The following NRXN3 variants were observed in gnomAD, a reference collection of about 807,000 sequenced individuals.
The protein encoded by NRXN3 is neurexin III.
In NRXN3, 32 loss-of-function variants were observed where a neutral mutation model predicts 137.6. That is an observed-to-expected ratio of 0.23 (90% CI 0.18 to 0.31). The LOEUF (loss-of-function observed/expected upper bound fraction) is 0.31. Among genes scored for constraint, NRXN3 ranks in the 10% least tolerant of loss-of-function variants. The pLI, the probability that NRXN3 is intolerant of heterozygous loss-of-function variation, is 1.00. For missense variants in NRXN3, 1,574 were observed against 2,062.5 expected (o/e 0.76, Z 4.59); for synonymous variants, 798 against 784.5 (o/e 1.02, Z -0.29).
chr14:78,463,489 A>T (rs1229873783), intron 4 of NRXN3, among the ~76,000 whole-genome samples: 1 of 151,596 alleles, frequency 6.6e-6, no homozygotes, highest in East Asian at 1.9e-4. Flanking sequence ...TTTTCCGTAG[A>T]GGTTGTATTA....
Position 79,593,630 on chromosome 14 carries a change from C to CAAAAAAA in NRXN3, c.3445-70132_3445-70126dup, listed in dbSNP as rs58254245. The stretch of plus-strand genomic sequence containing the variant: ...TGCACTACGGAGCGAGACTCCGTCT[C>CAAAAAAA]AAAAAAAAAAAAAAAAAAAAAATTA... On this transcript the variant is annotated intron_variant, in intron 16 of 20. Transcript: ENST00000335750. Among the ~76,000 whole-genome samples the CAAAAAAA allele has an allele frequency of 1.5e-3, 115 of 74,638 alleles. 1 individual carries two copies. Among genetic ancestry groups the CAAAAAAA allele is most frequent in the Non-Finnish European group, 2.0e-3 (74 of 36,322 alleles). 49.0% of individuals were successfully genotyped at this position (74,638 alleles called of 152,430 possible).
At chr14:79,515,411 T>G (rs573559142) in intron 16 of NRXN3, among the ~76,000 whole-genome samples, 16 of 150,450 alleles carry the variant, frequency 1.1e-4, no homozygotes, top group African/African-American at 3.3e-4. Flanking sequence ...GCATCAACCT[T>G]GAGCAAGAAA....
intron 15 of NRXN3, among the ~76,000 whole-genome samples, chr14:79,354,027 A>C (rs2093329178): frequency 6.6e-6 from 1 of 152,142 alleles, no homozygotes; most frequent in Non-Finnish European, 1.5e-5. Context: ...TTTTGTCAAC[A>C]CTCAGGCTGA....
At chr14:79,148,425 A>G (rs1418616087) in intron 15 of NRXN3, among the ~76,000 whole-genome samples, 1 of 152,126 alleles carries the variant, frequency 6.6e-6, no homozygotes, top group Non-Finnish European at 1.5e-5. Context: ...GTATTGTAAG[A>G]TTATTTCAGA....
intron 4 of NRXN3, among the ~76,000 whole-genome samples, chr14:78,589,234 T>C (rs1426035105): frequency 6.6e-6 from 1 of 152,166 alleles, no homozygotes; most frequent in Non-Finnish European, 1.5e-5. Flanking sequence ...CAAGAAGCTC[T>C]GCAAAAGCCT....
intron 16 of NRXN3, among the ~76,000 whole-genome samples, chr14:79,548,090 A>G (rs1332114040): frequency 6.6e-6 from 1 of 151,964 alleles, no homozygotes; most frequent in Non-Finnish European, 1.5e-5. Context: ...CAGAAGGTGC[A>G]GGTTTGTTAC....
intron 15 of NRXN3, among the ~76,000 whole-genome samples, chr14:79,299,547 C>T (rs2084786079): frequency 6.6e-6 from 1 of 152,008 alleles, no homozygotes; most frequent in African/African-American, 2.4e-5. Context: ...GTCTGCAGAC[C>T]CCTGCCCCCA....
Position 78,177,443 on chromosome 14 carries a change from C to T in NRXN3, c.-704+6769C>T, listed in dbSNP as rs571369620. Among the ~76,000 whole-genome samples, 10 of 152,122 alleles carry T rather than the reference C, an allele frequency of 6.6e-5. No individual in the cohort carries two copies. The South Asian group carries it at 1.9e-3, about 28-fold the overall frequency. On this transcript the variant is annotated intron_variant, in intron 1 of 20. Coordinates refer to ENST00000335750, the MANE Select transcript of NRXN3 (RefSeq NM_001330195.2). ...GATTCTGAGAAGCAAGGAAGTCTTACCTTTAGCCAAGACCTTGAAGCAGAG... is the reference window on the plus strand; with the variant it reads ...GATTCTGAGAAGCAAGGAAGTCTTATCTTTAGCCAAGACCTTGAAGCAGAG...
intron 16 of NRXN3, among the ~76,000 whole-genome samples, chr14:79,507,244 C>T (rs1232780370): frequency 3.9e-5 from 6 of 152,134 alleles, no homozygotes; most frequent in African/African-American, 1.2e-4. Context: ...GTGAAATCGG[C>T]CGCTTTTCTT....
At chr14:79,352,170 T>C (rs769985567) in intron 15 of NRXN3, among the ~76,000 whole-genome samples, 3 of 152,180 alleles carry the variant, frequency 2.0e-5, no homozygotes, top group Non-Finnish European at 4.4e-5. Context: ...CAGCTCCTTC[T>C]GCATGCTTTC....
chr14:78,754,098 AT>A (rs1278707767), intron 8 of NRXN3, among the ~76,000 whole-genome samples: 1 of 152,186 alleles, frequency 6.6e-6, no homozygotes, highest in Non-Finnish European at 1.5e-5. Context: ...AAAATGTTTG[AT>A]TGGTTAAAAT....
At chr14:79,696,218 G>T (rs980979761) in intron 18 of NRXN3, among the ~76,000 whole-genome samples, 20 of 151,944 alleles carry the variant, frequency 1.3e-4, no homozygotes, top group African/African-American at 4.8e-4. Flanking sequence ...AATAGTGGTA[G>T]ATTTTTAAAG....
At chr14:78,570,269 C>CA (rs973512728) in intron 4 of NRXN3, among the ~76,000 whole-genome samples, 5 of 152,074 alleles carry the variant, frequency 3.3e-5, no homozygotes, top group Non-Finnish European at 5.9e-5. Flanking sequence ...TGTCAGGATA[C>CA]AATGAGAAGT....
chr14:78,254,702 G>T (rs530741397), intron 2 of NRXN3, among the ~76,000 whole-genome samples: 1 of 150,016 alleles, frequency 6.7e-6, no homozygotes, highest in East Asian at 2.0e-4. Context: ...AAGATTGGAA[G>T]TTCTGGAATA....
chr14:79,141,155 G>A (rs988275987), intron 15 of NRXN3, among the ~76,000 whole-genome samples: 29 of 152,106 alleles, frequency 1.9e-4, no homozygotes, highest in Non-Finnish European at 2.8e-4. Context: ...TGTGTTGGGC[G>A]TAGTAATAAA....
At chr14:79,527,293 CAA>C (rs397954192) in intron 16 of NRXN3, among the ~76,000 whole-genome samples, 2,787 of 58,430 alleles carry the variant, frequency 0.048, 42 homozygotes, top group African/African-American at 0.18. Context: ...GACTCTGTCT[CAA>C]AAAAAAAAAA....
At chr14:78,345,719 T>A (rs1163030408) in intron 4 of NRXN3, among the ~76,000 whole-genome samples, 2 of 152,196 alleles carry the variant, frequency 1.3e-5, no homozygotes, top group Non-Finnish European at 2.9e-5. Flanking sequence ...TTGAGGGATC[T>A]GGGAAATAAG....
At chr14:79,846,423 T>G (rs1403977675) in intron 20 of NRXN3, among the ~76,000 whole-genome samples, 1 of 152,144 alleles carries the variant, frequency 6.6e-6, no homozygotes, top group East Asian at 1.9e-4. Flanking sequence ...ACTTTCAAGA[T>G]GGAAAGGAGA....
intron 4 of NRXN3, among the ~76,000 whole-genome samples, chr14:78,610,241 G>A (rs1478703877): frequency 6.6e-6 from 1 of 152,114 alleles, no homozygotes; most frequent in Non-Finnish European, 1.5e-5. Context: ...CTGAGCCAAC[G>A]TTTAAAAATT....
Sources: allele counts gnomAD v4.1 joint callset (sites outside exome capture counted in the v4.1 genomes callset), GRCh38; gene constraint gnomAD v4.1.1; transcripts MANE v1.5; gene names NCBI Gene and HGNC (gene_info 2026-07-23, HGNC 2026-07-21).